The following MED13L variants were observed in gnomAD, a reference collection of about 807,000 sequenced individuals.
MED13L encodes mediator complex subunit 13L.
A neutral mutation model predicts 220.9 loss-of-function variants in MED13L; 7 were observed. The ratio of observed to expected loss-of-function variants is 0.03; its 90% confidence interval spans 0.02 to 0.06. The LOEUF (loss-of-function observed/expected upper bound fraction) is 0.06. MED13L is among the 10% of genes least tolerant of loss of function. The pLI is 1.00. For missense variants in MED13L, 1,965 were observed against 2,760.5 expected, an observed-to-expected ratio of 0.71 and a Z score of 6.46; for synonymous variants, 1,011 against 1,015.2, an observed-to-expected ratio of 1.00 and a Z score of 0.08.
intron 3 of MED13L, among the ~76,000 whole-genome samples, chr12:116,101,863 CATAA>C (rs1873090286): frequency 6.6e-6 from 1 of 152,138 alleles, no homozygotes; most frequent in Non-Finnish European, 1.5e-5. Context: ...TCAATATCAT[CATAA>C]ATAGTGCTAA....
intron 2 of MED13L, among the ~76,000 whole-genome samples, chr12:116,201,775 T>C (rs1327765296): frequency 6.6e-6 from 1 of 152,154 alleles, no homozygotes; most frequent in Non-Finnish European, 1.5e-5. Flanking sequence ...CTAAGAGCCA[T>C]CCATATAAGA....
At chr12:116,062,443 C>A (rs1869575294) in intron 4 of MED13L, among the ~76,000 whole-genome samples, 1 of 151,240 alleles carries the variant, frequency 6.6e-6, no homozygotes, top group Admixed American at 6.6e-5. Flanking sequence ...ACAATATTAC[C>A]TTCATAGGAA....
At position 116,007,650 on chromosome 12, in the gene MED13L, A is replaced by T; in HGVS notation, c.2013-14T>A. The T allele has an allele frequency of 6.5e-7, 1 of 1,540,066 alleles. No homozygotes were observed. The highest frequency in any genetic ancestry group is 1.8e-4 in the Middle Eastern group (1 of 5,660). ...TGTGCTAAGAGTCTAAAAGACAAAAAAAAAAAAAAAAAAAAGAGCATTTAT... is the reference window on the plus strand; with the variant it reads ...TGTGCTAAGAGTCTAAAAGACAAAATAAAAAAAAAAAAAAAGAGCATTTAT... On this transcript the variant is annotated splice_polypyrimidine_tract_variant and intron_variant, in intron 10 of 30. Coordinates refer to ENST00000281928, the MANE Select transcript of MED13L (RefSeq NM_015335.5).
rs1878852772 is a variant in MED13L at position 116,003,192 on chromosome 12, T to C, written c.2470-90A>G. ...TTCCTAATGTATGCCTATTGGTAGA[T>C]GCCTCTTGGTAGAAGCGTTTACCAG... On this transcript the variant is annotated intron_variant, in intron 13 of 30. Coordinates refer to ENST00000281928, the MANE Select transcript of MED13L (RefSeq NM_015335.5). The C allele has an allele frequency of 4.5e-6, 5 of 1,110,694 alleles. No homozygotes were observed. The Middle Eastern group carries it at 7.8e-4, about 173-fold the overall frequency. The allele number at this position is 1,110,694 out of a possible 1,614,324, so 68.8% of individuals were successfully genotyped here.
chr12:116,249,052 G>A (rs1261946217), intron 1 of MED13L, among the ~76,000 whole-genome samples: 1 of 152,176 alleles, frequency 6.6e-6, no homozygotes, highest in African/African-American at 2.4e-5. Context: ...TCTGATAGAG[G>A]CTCTTTTGAA....
At chr12:116,039,061 T>C (rs1881369361) in intron 4 of MED13L, among the ~76,000 whole-genome samples, 1 of 152,226 alleles carries the variant, frequency 6.6e-6, no homozygotes, top group Non-Finnish European at 1.5e-5. Context: ...ATAATATTTA[T>C]TTAAAGGAAG....
intron 1 of MED13L, among the ~76,000 whole-genome samples, chr12:116,274,780 G>C (rs1364292013): frequency 2.6e-5 from 4 of 151,738 alleles, no homozygotes; most frequent in African/African-American, 9.7e-5. Flanking sequence ...TGGTTCTCTA[G>C]TTCAAAGTTG....
chr12:116,073,189 T>C (rs1322903058), intron 4 of MED13L, among the ~76,000 whole-genome samples: 1 of 152,180 alleles, frequency 6.6e-6, no homozygotes, highest in African/African-American at 2.4e-5. Context: ...TATGTATTTT[T>C]TTTTAATTTT....
intron 28 of MED13L, among the ~76,000 whole-genome samples, chr12:115,966,671 A>T (rs1402041446): frequency 6.6e-6 from 1 of 152,222 alleles, no homozygotes; most frequent in African/African-American, 2.4e-5. Context: ...TGCACAGCAC[A>T]AAAGTTCCTG....
chr12:116,024,141 C>T (rs1448125044), intron 4 of MED13L, among the ~76,000 whole-genome samples: 1 of 152,050 alleles, frequency 6.6e-6, no homozygotes, highest in Admixed American at 6.6e-5. Flanking sequence ...TAGACTACAG[C>T]CATAGAACAT....
chr12:116,099,703 C>G (rs1872906399), intron 3 of MED13L, among the ~76,000 whole-genome samples: 1 of 152,178 alleles, frequency 6.6e-6, no homozygotes, highest in African/African-American at 2.4e-5. Flanking sequence ...ATATGCTGGA[C>G]TTCATTCCAG....
intron 2 of MED13L, among the ~76,000 whole-genome samples, chr12:116,201,353 T>C (rs1008275615): frequency 4.6e-5 from 7 of 151,964 alleles, no homozygotes; most frequent in Non-Finnish European, 7.4e-5. Flanking sequence ...TAATAATAAA[T>C]GAAGAAACCC....
intron 2 of MED13L, among the ~76,000 whole-genome samples, chr12:116,228,525 G>A (rs1391314566): frequency 6.6e-6 from 1 of 152,100 alleles, no homozygotes; most frequent in Admixed American, 6.6e-5. Context: ...CACTGCAGAA[G>A]AGGACACTCG....
At chr12:116,118,012 T>C (rs188371620) in intron 2 of MED13L, among the ~76,000 whole-genome samples, 1 of 152,326 alleles carries the variant, frequency 6.6e-6, no homozygotes, top group Non-Finnish European at 1.5e-5. Context: ...TCTTACCATG[T>C]TGCCCAGGCT....
chr12:116,045,037 C>A (rs777264288), intron 4 of MED13L, among the ~76,000 whole-genome samples: 2 of 152,164 alleles, frequency 1.3e-5, no homozygotes, highest in Non-Finnish European at 2.9e-5. Context: ...ACAAAACACA[C>A]ATAAATCCAA....
At chr12:116,013,908 G>GA (rs1254365228) in intron 8 of MED13L, among the ~76,000 whole-genome samples, 4 of 152,160 alleles carry the variant, frequency 2.6e-5, no homozygotes, top group Non-Finnish European at 5.9e-5. Flanking sequence ...AAGAGTTGTG[G>GA]AGGTGTAAGG....
intron 3 of MED13L, among the ~76,000 whole-genome samples, chr12:116,104,191 G>A (rs1873351170): frequency 6.6e-6 from 1 of 151,528 alleles, no homozygotes; most frequent in African/African-American, 2.4e-5. Flanking sequence ...TGCATTTTTA[G>A]TAGAGTCAGA....
intron 29 of MED13L, among the ~76,000 whole-genome samples, chr12:115,964,022 G>A (rs1173869987): frequency 2.0e-5 from 3 of 152,116 alleles, no homozygotes; most frequent in Non-Finnish European, 4.4e-5. Flanking sequence ...GGGAGGATGA[G>A]GATGCAGTGA....
chr12:116,246,206 C>CAAA (rs77427246), intron 1 of MED13L, among the ~76,000 whole-genome samples: 2 of 100,266 alleles, frequency 2.0e-5, no homozygotes, highest in Admixed American at 1.1e-4. Context: ...TTTAGACATG[C>CAAA]AAAAAAAAAA....
Sources: allele counts gnomAD v4.1 joint callset (sites outside exome capture counted in the v4.1 genomes callset), GRCh38; gene constraint gnomAD v4.1.1; transcripts MANE v1.5; gene names NCBI Gene and HGNC (gene_info 2026-07-23, HGNC 2026-07-21).